The following BBS9 variants were observed in gnomAD, a reference collection of about 807,000 sequenced individuals.
The protein encoded by BBS9 is protein PTHB1.
BBS9 carries 89 observed loss-of-function variants against 117.7 expected under a neutral mutation model. The ratio of observed to expected loss-of-function variants is 0.76; its 90% CI spans 0.64 to 0.90. The LOEUF (loss-of-function observed/expected upper bound fraction) is 0.90, where lower values mean the gene tolerates loss of function less well. Ranked by LOEUF, BBS9 falls within the 40% of genes least tolerant of loss-of-function variation. The probability of loss-of-function intolerance (pLI) is 0.00; values close to 1 mark genes in which losing one functional copy is unlikely to be tolerated. For synonymous variants in BBS9, 379 were observed against 370.9 expected (o/e 1.02, Z -0.25); for missense variants, 982 against 1,042.2 (o/e 0.94, Z 0.80).
At chr7:33,597,484 T>G (rs888368318) in intron 21 of BBS9, among the ~76,000 whole-genome samples, 1 of 152,128 alleles carries the variant, frequency 6.6e-6, no homozygotes, top group Admixed American at 6.6e-5. Context: ...GATTTTCTCC[T>G]CTGTGAAGGA....
Position 33,605,260 on chromosome 7 carries a change from C to G in BBS9, c.*34C>G, listed in dbSNP as rs763596626. 2 of 1,602,342 alleles carry G rather than the reference C, an allele frequency of 1.2e-6. No homozygotes were observed. The highest frequency in any genetic ancestry group is 1.7e-6 in the Non-Finnish European group (2 of 1,169,500). The stretch of plus-strand genomic sequence containing the variant: ...GAGTTGTTTGGTTGAGAGGAACATC[C>G]CCATCTCAAGGCCGAACCTGTGTGA... On this transcript the variant is annotated 3_prime_UTR_variant, in exon 23 of 23. Coordinates refer to ENST00000242067, the MANE Select transcript of BBS9 (RefSeq NM_198428.3).
At chr7:33,457,515 A>C (rs1353431368) in intron 19 of BBS9, among the ~76,000 whole-genome samples, 3 of 152,138 alleles carry the variant, frequency 2.0e-5, no homozygotes, top group African/African-American at 7.2e-5. Flanking sequence ...ACTCAATGAG[A>C]AATGTCACCG....
intron 18 of BBS9, among the ~76,000 whole-genome samples, chr7:33,384,427 TGA>T (rs1825649890): frequency 6.6e-6 from 1 of 152,208 alleles, no homozygotes; most frequent in African/African-American, 2.4e-5. Flanking sequence ...TAGATTCTCT[TGA>T]GTATTTCAAT....
At chr7:33,375,112 C>A (rs1823605313) in intron 17 of BBS9, among the ~76,000 whole-genome samples, 1 of 152,036 alleles carries the variant, frequency 6.6e-6, no homozygotes, top group African/African-American at 2.4e-5. Flanking sequence ...TGATGTGATG[C>A]ATTTTTTTAC....
intron 21 of BBS9, among the ~76,000 whole-genome samples, chr7:33,572,446 G>C (rs1219677380): frequency 6.6e-6 from 1 of 151,966 alleles, no homozygotes; most frequent in Non-Finnish European, 1.5e-5. Context: ...CCTTTCTTTT[G>C]GATATATATA....
chr7:33,568,240 T>C (rs1322439544), intron 21 of BBS9, among the ~76,000 whole-genome samples: 4 of 152,104 alleles, frequency 2.6e-5, no homozygotes, highest in African/African-American at 9.7e-5. Flanking sequence ...TGTACGTGGC[T>C]TCCTCTCTGG....
At chr7:33,447,866 G>C (rs1385519423) in intron 19 of BBS9, among the ~76,000 whole-genome samples, 1 of 152,170 alleles carries the variant, frequency 6.6e-6, no homozygotes, top group South Asian at 2.1e-4. Context: ...ATGTTGTTCA[G>C]GTTCTGTGGG....
intron 18 of BBS9, among the ~76,000 whole-genome samples, chr7:33,385,643 T>A (rs1825865537): frequency 6.6e-6 from 1 of 152,184 alleles, no homozygotes; most frequent in Admixed American, 6.5e-5. Flanking sequence ...AATTTTTTAG[T>A]GTATCAAGAA....
At chr7:33,388,647 C>T (rs918470709) in intron 19 of BBS9, among the ~76,000 whole-genome samples, 1 of 152,102 alleles carries the variant, frequency 6.6e-6, no homozygotes, top group Non-Finnish European at 1.5e-5. Flanking sequence ...ATTTTTTCTT[C>T]TTGATCACCT....
chr7:33,535,522 A>G (rs1349389303), intron 21 of BBS9, among the ~76,000 whole-genome samples: 1 of 152,144 alleles, frequency 6.6e-6, no homozygotes, highest in African/African-American at 2.4e-5. Flanking sequence ...GCCTTTTATA[A>G]TAGAAATGCT....
chr7:33,631,296 C>T (rs1362193435), intron 21 of BBS9, among the ~76,000 whole-genome samples: 1 of 152,188 alleles, frequency 6.6e-6, no homozygotes, highest in Non-Finnish European at 1.5e-5. Flanking sequence ...TTTATCCCAG[C>T]AGCGTTCCAT....
chr7:33,426,104 A>G (rs945860328), intron 19 of BBS9, among the ~76,000 whole-genome samples: 1 of 152,222 alleles, frequency 6.6e-6, no homozygotes, highest in African/African-American at 2.4e-5. Context: ...AGGAAAATGT[A>G]CGGGAGTAGA....
chr7:33,236,582 A>T (rs1206503712), intron 5 of BBS9, among the ~76,000 whole-genome samples: 1 of 151,900 alleles, frequency 6.6e-6, no homozygotes, highest in Non-Finnish European at 1.5e-5. Context: ...AAAAATACAT[A>T]ATTTATAAAT....
intron 19 of BBS9, among the ~76,000 whole-genome samples, chr7:33,470,760 A>C (rs1840902954): frequency 6.6e-6 from 1 of 152,166 alleles, no homozygotes; most frequent in Non-Finnish European, 1.5e-5. Flanking sequence ...ACAAAGCAAC[A>C]CATGAATAAT....
At chr7:33,619,743 GAATAACC>G (rs1865315213) in intron 21 of BBS9, among the ~76,000 whole-genome samples, 1 of 152,028 alleles carries the variant, frequency 6.6e-6, no homozygotes, top group African/African-American at 2.4e-5. Context: ...AAATACTCCT[GAATAACC>G]AATGGGTCAA....
At chr7:33,439,488 C>G (rs7805883) in intron 19 of BBS9, among the ~76,000 whole-genome samples, 14,637 of 151,396 alleles carry the variant, frequency 0.097, 744 homozygotes, top group South Asian at 0.14. Flanking sequence ...TCTCCATAAG[C>G]CTGCGCCCAC....
intron 4 of BBS9, among the ~76,000 whole-genome samples, chr7:33,173,238 T>A (rs923900159): frequency 1.3e-5 from 2 of 152,206 alleles, no homozygotes; most frequent in African/African-American, 4.8e-5. Flanking sequence ...TTATCTTTAG[T>A]TGCTTAAGCT....
intron 9 of BBS9, among the ~76,000 whole-genome samples, chr7:33,289,361 T>C (rs578214548): frequency 6.6e-6 from 1 of 152,332 alleles, no homozygotes; most frequent in East Asian, 1.9e-4. Context: ...CATTTAAATC[T>C]AAAATAGTTT....
chr7:33,484,970 G>T (rs1563240625), intron 19 of BBS9, among the ~76,000 whole-genome samples: 1 of 152,192 alleles, frequency 6.6e-6, no homozygotes, highest in African/African-American at 2.4e-5. Flanking sequence ...GCCATAAAAA[G>T]GAATGAGATC....
Sources: gnomAD v4.1 joint callset for allele counts (sites outside exome capture counted in the v4.1 genomes callset) on GRCh38, gnomAD v4.1.1 for gene constraint, MANE v1.5 for transcripts, NCBI Gene and HGNC (gene_info 2026-07-23, HGNC 2026-07-21) for gene names.